ADGRF1: variants seen among roughly 807,000 people sequenced by gnomAD.
The protein encoded by ADGRF1 is G protein-coupled receptor 110.
In ADGRF1, 85 loss-of-function variants were observed where a neutral mutation model predicts 87.2. That is an observed-to-expected ratio of 0.97 (90% CI 0.82 to 1.17). The LOEUF (loss-of-function observed/expected upper bound fraction) is 1.17. Ranked by LOEUF, ADGRF1 falls within the 50% of genes most tolerant of loss-of-function variation. The pLI is 0.00. For missense variants in ADGRF1, 1,169 were observed against 1,077.2 expected (o/e 1.09, Z -1.19); for synonymous variants, 430 against 408.8 (o/e 1.05, Z -0.63).
rs1026230585 is a variant in ADGRF1, at chr6:47,014,190, T to A, written c.927+491A>T. On this transcript the variant is annotated intron_variant, in intron 9 of 14. Coordinates refer to ENST00000371253, the MANE Select transcript of ADGRF1 (RefSeq NM_153840.4). Reference sequence around the variant, plus strand: ...TTGTTTTCTGATCTGCAAAATGAGGTTGGTAAACCAGATGCCCCTTAAGGT... The same window carrying A: ...TTGTTTTCTGATCTGCAAAATGAGGATGGTAAACCAGATGCCCCTTAAGGT... The A allele has an allele frequency of 3.2e-6, 3 of 928,030 alleles. No homozygotes were observed. The African/African-American group carries it at 5.3e-5, about 17-fold the overall frequency. 57.5% of individuals were successfully genotyped at this position (928,030 alleles called of 1,614,324 possible).
At chr6:47,026,776 A>G (rs974883686) in intron 3 of ADGRF1, among the ~76,000 whole-genome samples, 1 of 151,982 alleles carries the variant, frequency 6.6e-6, no homozygotes, top group Non-Finnish European at 1.5e-5. Context: ...CCCCACTCCC[A>G]TCTCTTAGTC....
chr6:47,017,847 T>C (rs1280773565), intron 7 of ADGRF1: 1 of 152,532 alleles, frequency 6.6e-6, no homozygotes, highest in East Asian at 1.9e-4. Flanking sequence ...CTTTTGGGGT[T>C]ATGGGAATGT....
At chr6:47,021,462 G>A (rs2113894474) in intron 6 of ADGRF1, among the ~76,000 whole-genome samples, 1 of 152,206 alleles carries the variant, frequency 6.6e-6, no homozygotes, top group South Asian at 2.1e-4. Flanking sequence ...CCGGGTTCAA[G>A]CAATTCTCGT....
chr6:47,037,149 A>C (rs1780610428), intron 1 of ADGRF1, among the ~76,000 whole-genome samples: 2 of 152,230 alleles, frequency 1.3e-5, no homozygotes, highest in Admixed American at 6.5e-5. Flanking sequence ...TATCCACAGT[A>C]TCTTTTTAAT....
chr6:47,034,271 A>T (rs1780523484), intron 1 of ADGRF1, among the ~76,000 whole-genome samples: 1 of 152,100 alleles, frequency 6.6e-6, no homozygotes, highest in Non-Finnish European at 1.5e-5. Flanking sequence ...TACTTATTTA[A>T]TTGTTCTTTT....
rs1245529518 is a variant in ADGRF1 at position 47,010,093 on chromosome 6, G to A, written c.1342C>T (p.Gln448Ter). ...KSQLKRGYSYQIKMCPQNTSI... is the reference protein window; with the variant it reads ...KSQLKRGYSY ...GTATTTTGGGGACACATTTTAATCTGATAGCTGTAACCCCTTTTGAGTTGG... is the reference window on the plus strand; with the variant it reads ...GTATTTTGGGGACACATTTTAATCTAATAGCTGTAACCCCTTTTGAGTTGG... The change falls in exon 11 of 15, where the codon CAG becomes TAG. Residue 448 changes from glutamine to a stop codon, truncating the protein, a stop_gained. Transcript: ENST00000371253. LOFTEE classifies it high-confidence loss of function. The A allele has an allele frequency of 1.2e-6, 2 of 1,614,152 alleles. No homozygotes were observed. Among genetic ancestry groups the A allele is most frequent in the Admixed American group, 1.7e-5 (1 of 60,018 alleles).
intron 1 of ADGRF1, among the ~76,000 whole-genome samples, chr6:47,030,793 C>G (rs1406232947): frequency 6.6e-6 from 1 of 151,700 alleles, no homozygotes; most frequent in Admixed American, 6.6e-5. Context: ...GATGGAGTTT[C>G]TCTCTGTTGC....
chr6:47,023,488 T>C (rs1206954132), intron 5 of ADGRF1, among the ~76,000 whole-genome samples: 1 of 152,196 alleles, frequency 6.6e-6, no homozygotes, highest in Admixed American at 6.5e-5. Flanking sequence ...ATCTCACCTT[T>C]CATTGAACAT....
intron 9 of ADGRF1, chr6:47,013,244 T>A (rs1779762463): frequency 1.0e-6 from 1 of 985,350 alleles, no homozygotes; most frequent in South Asian, 4.7e-5. Context: ...AATGCTGTTT[T>A]CTGTTCAAGC....
At chr6:47,041,887 C>T (rs1159464117) in intron 1 of ADGRF1, among the ~76,000 whole-genome samples, 1 of 152,186 alleles carries the variant, frequency 6.6e-6, no homozygotes, top group Non-Finnish European at 1.5e-5. Context: ...CAATCTACCT[C>T]CCTGGCACAT....
At chr6:47,008,886 G>A in intron 11 of ADGRF1, 59 bp downstream of exon 11, 2 of 1,470,278 alleles carry the variant, frequency 1.4e-6, no homozygotes, top group Non-Finnish European at 1.8e-6. Flanking sequence ...TTACCTGCCT[G>A]AGTTCTCTAC....
At chr6:47,000,694 A>C (rs1288903634) in intron 14 of ADGRF1, among the ~76,000 whole-genome samples, 1 of 152,192 alleles carries the variant, frequency 6.6e-6, no homozygotes, top group Admixed American at 6.5e-5. Context: ...AACAGAACCC[A>C]AGGGTCCGGG....
At chr6:47,030,576 A>ATGTGTG (rs3030596) in intron 1 of ADGRF1, among the ~76,000 whole-genome samples, 12,172 of 138,428 alleles carry the variant, frequency 0.088, 574 homozygotes, top group African/African-American at 0.11. Flanking sequence ...TAACATGAAT[A>ATGTGTG]TGTGTGTGTG....
In ADGRF1 at chr6:47,009,557, G is replaced by T. The variant is rs1164846702; in HGVS notation, c.1878C>A (p.Cys626Ter). Reference protein sequence around the residue: ...KSQTSHTRRICMVNIALSLLI... With the variant: ...KSQTSHTRRI ...AGAGGGACAGGGCTATGTTCACCAT[G>T]CAAATACGACGTGTGTGAGAGGTTT... The change falls in exon 11 of 15, where the codon TGC (cysteine) becomes TGA (stop). Residue 626 changes from cysteine to a stop codon, truncating the protein, a stop_gained. Transcript: ENST00000371253. LOFTEE classifies it high-confidence loss of function. The T allele has an allele frequency of 6.2e-7, 1 of 1,614,132 alleles. No individual in the cohort carries two copies. Among genetic ancestry groups the T allele is most frequent in the Non-Finnish European group, 8.5e-7 (1 of 1,180,000 alleles).
intron 1 of ADGRF1, among the ~76,000 whole-genome samples, chr6:47,036,706 TA>T (rs1780598302): frequency 6.6e-6 from 1 of 152,222 alleles, no homozygotes; most frequent in Non-Finnish European, 1.5e-5. Context: ...TGTTTCCCTT[TA>T]CATATGAATA....
intron 13 of ADGRF1, among the ~76,000 whole-genome samples, chr6:47,005,446 A>T (rs1038764525): frequency 1.3e-5 from 2 of 152,244 alleles, no homozygotes; most frequent in Non-Finnish European, 2.9e-5. Context: ...AGAGAAGGAA[A>T]AATGGTTTAC....
chr6:47,018,681 G>A (rs547665677), intron 7 of ADGRF1: 11 of 1,035,738 alleles, frequency 1.1e-5, no homozygotes, highest in Non-Finnish European at 1.4e-5. Flanking sequence ...GGAGGCCAAG[G>A]TGTGTGGGTC....
At chr6:47,014,888 T>A (rs776399415) in intron 8 of ADGRF1, 44 bp from the exon 9 acceptor site, 1 of 1,551,032 alleles carries the variant, frequency 6.4e-7, no homozygotes, top group East Asian at 2.3e-5. Context: ...TCCTAGAATA[T>A]CCTGGCACTC....
intron 1 of ADGRF1, among the ~76,000 whole-genome samples, chr6:47,029,651 C>G (rs1226483): frequency 0.022 from 3,391 of 152,218 alleles, 123 homozygotes; most frequent in African/African-American, 0.077. Context: ...TAGACCTGGT[C>G]ACAAGATTAA....
Sources: allele counts gnomAD v4.1 joint callset (sites outside exome capture counted in the v4.1 genomes callset), GRCh38; gene constraint gnomAD v4.1.1; transcripts MANE v1.5; gene names NCBI Gene and HGNC (gene_info 2026-07-23, HGNC 2026-07-21).